NCKAP1: variants seen among roughly 807,000 people sequenced by gnomAD.
NCKAP1 encodes the protein NCK associated protein 1.
A neutral mutation model predicts 151.2 loss-of-function variants in NCKAP1; 21 were observed. That is an observed-to-expected ratio of 0.14 (90% confidence interval 0.10 to 0.20). The LOEUF (loss-of-function observed/expected upper bound fraction) is 0.20. Among genes scored for constraint, NCKAP1 ranks in the 10% least tolerant of loss-of-function variants. NCKAP1 has a pLI of 1.00. For missense variants in NCKAP1, 933 were observed against 1,352.1 expected, an observed-to-expected ratio of 0.69 and a Z score of 4.86; for synonymous variants, 484 against 451.8, an observed-to-expected ratio of 1.07 and a Z score of -0.90.
chr2:183,015,301 C>A (rs1698662422), intron 2 of NCKAP1, among the ~76,000 whole-genome samples: 1 of 152,104 alleles, frequency 6.6e-6, no homozygotes, highest in Non-Finnish European at 1.5e-5. Flanking sequence ...AATTCATTCA[C>A]ACACAAATTC....
At chr2:183,034,344 C>T (rs1699061451) in intron 1 of NCKAP1, among the ~76,000 whole-genome samples, 1 of 148,914 alleles carries the variant, frequency 6.7e-6, no homozygotes, top group Admixed American at 6.7e-5. Flanking sequence ...TAAACCACCA[C>T]AATACTCCAC....
intron 30 of NCKAP1, 81 bp downstream of exon 30, chr2:182,926,735 C>T (rs879524799): frequency 1.0e-6 from 1 of 956,312 alleles, no homozygotes; most frequent in Admixed American, 2.5e-5. Flanking sequence ...AAAAAGTATT[C>T]AATGACTAAG....
intron 19 of NCKAP1, 80 bp from the exon 20 acceptor site, chr2:182,956,673 C>T (rs1230636809): frequency 7.2e-7 from 1 of 1,395,390 alleles, no homozygotes. Flanking sequence ...ATATATCAAC[C>T]TTATTTGGAG....
rs1445317685 is a variant in NCKAP1 at position 182,923,606 on chromosome 2, T to C, written c.*2096A>G. 6.6e-6 allele frequency: 1 copy of C among 152,092 alleles called. No individual in the cohort carries two copies. The highest frequency in any genetic ancestry group is 1.5e-5 in the Non-Finnish European group (1 of 68,016). 9.4% of individuals were successfully genotyped at this position (152,092 alleles called of 1,614,324 possible). A position where few individuals can be genotyped will look rare whatever the true frequency, so the allele number is the denominator to read the frequency against. On this transcript the variant is annotated 3_prime_UTR_variant, in exon 31 of 31. Coordinates refer to ENST00000361354, the MANE Select transcript of NCKAP1 (RefSeq NM_013436.5). The stretch of plus-strand genomic sequence containing the variant: ...AAATTAGTTATGGTATCTATAAAGG[T>C]ATTAAAAAGAATATTAAAGACATTT...
At chr2:182,968,881 T>C (rs1697629392) in intron 15 of NCKAP1, among the ~76,000 whole-genome samples, 1 of 152,088 alleles carries the variant, frequency 6.6e-6, no homozygotes, top group Non-Finnish European at 1.5e-5. Flanking sequence ...GACCAATAGG[T>C]GGATGATGTT....
intron 23 of NCKAP1, 104 bp downstream of exon 23, chr2:182,952,301 A>G: frequency 4.5e-6 from 3 of 673,260 alleles, no homozygotes; most frequent in Non-Finnish European, 7.1e-6. Flanking sequence ...TAGTACTTTC[A>G]TGTTGGATTA....
At chr2:182,949,759 C>A (rs1697179067) in intron 23 of NCKAP1, among the ~76,000 whole-genome samples, 1 of 152,232 alleles carries the variant, frequency 6.6e-6, no homozygotes, top group Non-Finnish European at 1.5e-5. Flanking sequence ...CACACCACTG[C>A]ACTCCAGCCT....
rs189877637 is a variant in NCKAP1 at position 182,921,002 on chromosome 2, C to G, written c.*4700G>C. 31 of 152,250 alleles carry G rather than the reference C, an allele frequency of 2.0e-4. No individual in the cohort carries two copies. Among genetic ancestry groups the G allele is most frequent in the African/African-American group, 7.5e-4 (31 of 41,544 alleles). The allele number at this position is 152,250 out of a possible 1,614,324, so 9.4% of individuals were successfully genotyped here. A position where few individuals can be genotyped will look rare whatever the true frequency, so the allele number is the denominator to read the frequency against. On this transcript the variant is annotated 3_prime_UTR_variant, in exon 31 of 31. Coordinates refer to ENST00000361354, the MANE Select transcript of NCKAP1 (RefSeq NM_013436.5). The stretch of plus-strand genomic sequence containing the variant: ...AGTGCACAGTTTTAGTCTGTGAGCA[C>G]GCTTCAGTGAAATTATATCACCACT...
intron 15 of NCKAP1, among the ~76,000 whole-genome samples, chr2:182,972,494 CTATTGAAAACAGT>C (rs1447276953): frequency 6.6e-6 from 1 of 152,068 alleles, no homozygotes; most frequent in East Asian, 1.9e-4. Context: ...AGTAGAGCCG[CTATTGAAAACAGT>C]AGTGTCTGAG....
chr2:182,988,164 G>T (rs1005033452), intron 9 of NCKAP1, among the ~76,000 whole-genome samples: 2 of 152,112 alleles, frequency 1.3e-5, no homozygotes, highest in Non-Finnish European at 2.9e-5. Flanking sequence ...ATTTCAATTT[G>T]CATTTCGGGG....
chr2:182,916,970 A>T lies in NCKAP1; in HGVS notation c.*8732T>A, dbSNP rs2105788385. ...TGAGTGGAAGTTCTGATATTATAAT[A>T]CTCATAAAAGCCATGAAAAAACTCT... On this transcript the variant is annotated 3_prime_UTR_variant, in exon 31 of 31. Coordinates refer to ENST00000361354, the MANE Select transcript of NCKAP1 (RefSeq NM_013436.5). 1 of 152,268 alleles carries T rather than the reference A, an allele frequency of 6.6e-6. No homozygotes were observed. Among genetic ancestry groups the T allele is most frequent in the South Asian group, 2.1e-4 (1 of 4,826 alleles). The allele number at this position is 152,268 out of a possible 1,614,324, so 9.4% of individuals were successfully genotyped here.
At chr2:183,006,411 A>G (rs1698473155) in intron 2 of NCKAP1, among the ~76,000 whole-genome samples, 1 of 152,210 alleles carries the variant, frequency 6.6e-6, no homozygotes. Context: ...TAAAACTTTA[A>G]TATTCCCCAT....
intron 2 of NCKAP1, among the ~76,000 whole-genome samples, chr2:183,009,091 A>C (rs1698536760): frequency 6.6e-6 from 1 of 152,116 alleles, no homozygotes; most frequent in African/African-American, 2.4e-5. Context: ...AAATGTATCC[A>C]GGCCAGGTGC....
In NCKAP1 at chr2:182,920,329, G is replaced by A. The variant is rs1696530126; in HGVS notation, c.*5373C>T. 2 of 152,122 alleles carry A rather than the reference G, an allele frequency of 1.3e-5. No homozygotes were observed. The highest frequency in any genetic ancestry group is 1.3e-4 in the Admixed American group (2 of 15,272). 9.4% of individuals were successfully genotyped at this position (152,122 alleles called of 1,614,324 possible). ...GAGAATCTCTTTCTACTCAAGGGAA[G>A]ATGCTAAAACTGGTGTTCATGCAAT... On this transcript the variant is annotated 3_prime_UTR_variant, in exon 31 of 31. Coordinates refer to ENST00000361354, the MANE Select transcript of NCKAP1 (RefSeq NM_013436.5).
chr2:183,032,134 T>C (rs1344250684), intron 1 of NCKAP1, among the ~76,000 whole-genome samples: 2 of 152,208 alleles, frequency 1.3e-5, no homozygotes, highest in African/African-American at 4.8e-5. Flanking sequence ...GAGGATTCTA[T>C]TATGTATCCC....
At chr2:182,970,468 T>C (rs1047155049) in intron 15 of NCKAP1, among the ~76,000 whole-genome samples, 1 of 152,194 alleles carries the variant, frequency 6.6e-6, no homozygotes, top group Non-Finnish European at 1.5e-5. Context: ...CAAAACTGTA[T>C]AATTTTAATA....
intron 2 of NCKAP1, among the ~76,000 whole-genome samples, chr2:183,011,173 C>T (rs1698584094): frequency 6.6e-6 from 1 of 152,148 alleles, no homozygotes; most frequent in Admixed American, 6.5e-5. Flanking sequence ...ATACTTGTTA[C>T]AATTTTGCCT....
In NCKAP1 at chr2:183,038,207, C is replaced by CTAAGGCGGAGGTCGCGG; in HGVS notation, c.-109_-108insCCGCGACCTCCGCCTTA. 1 of 743,826 alleles carries CTAAGGCGGAGGTCGCGG rather than the reference C, an allele frequency of 1.3e-6. No homozygotes were observed. The highest frequency in any genetic ancestry group is 2.2e-5 in the South Asian group (1 of 46,400). The allele number at this position is 743,826 out of a possible 1,614,324, so 46.1% of individuals were successfully genotyped here. The stretch of plus-strand genomic sequence containing the variant: ...CTCCTCCCCTCCCGCCCGCGACCTC[C>CTAAGGCGGAGGTCGCGG]GCCTTAGGAGAGCGCGCCCATGGCC... On this transcript the variant is annotated 5_prime_UTR_variant, in exon 1 of 31. Coordinates refer to ENST00000361354, the MANE Select transcript of NCKAP1 (RefSeq NM_013436.5).
chr2:182,965,474 C>T (rs1420296459), intron 16 of NCKAP1, among the ~76,000 whole-genome samples: 1 of 151,888 alleles, frequency 6.6e-6, no homozygotes, highest in Non-Finnish European at 1.5e-5. Context: ...CGGGTGTGAG[C>T]CATGGCACCC....
Sources: gnomAD v4.1 joint callset for allele counts (sites outside exome capture counted in the v4.1 genomes callset) on GRCh38, gnomAD v4.1.1 for gene constraint, MANE v1.5 for transcripts, NCBI Gene and HGNC (gene_info 2026-07-23, HGNC 2026-07-21) for gene names.